Variants in POC1A observed in about 807,000 individuals in gnomAD.
POC1A encodes the protein POC1 centriolar protein homolog A.
POC1A carries 34 observed loss-of-function variants against 47.8 expected under a neutral mutation model. That is an observed-to-expected ratio of 0.71 (90% CI 0.54 to 0.95). The LOEUF (loss-of-function observed/expected upper bound fraction) is 0.95, where lower values mean the gene tolerates loss of function less well. Among genes scored for constraint, POC1A ranks in the 40% least tolerant of loss-of-function variants. The probability of loss-of-function intolerance (pLI) is 0.00; values close to 1 mark genes in which losing one functional copy is unlikely to be tolerated. For missense variants in POC1A, 466 were observed against 528.3 expected, an observed-to-expected ratio of 0.88 and a Z score of 1.16; for synonymous variants, 177 against 207.6, an observed-to-expected ratio of 0.85 and a Z score of 1.27.
chr3:52,091,838 C>T (rs566839255), intron 10 of POC1A, among the ~76,000 whole-genome samples: 2 of 152,290 alleles, frequency 1.3e-5, no homozygotes, highest in East Asian at 1.9e-4. Flanking sequence ...AACCAAGAGC[C>T]GCACAGCAGA....
At chr3:52,078,471 G>A (rs904055810) in intron 10 of POC1A, among the ~76,000 whole-genome samples, 2 of 148,216 alleles carry the variant, frequency 1.3e-5, no homozygotes, top group Non-Finnish European at 3.0e-5. Flanking sequence ...AGAAAATGGT[G>A]ACTCCTCATA....
chr3:52,151,215 A>G (rs1022436204), intron 1 of POC1A, 115 bp from the exon 2 acceptor site: 3 of 1,466,066 alleles, frequency 2.0e-6, no homozygotes, highest in Middle Eastern at 2.4e-4. Context: ...TCAAGGCATG[A>G]TCTTATATAA....
At chr3:52,093,515 C>T (rs1702710763) in intron 10 of POC1A, among the ~76,000 whole-genome samples, 1 of 152,242 alleles carries the variant, frequency 6.6e-6, no homozygotes, top group Non-Finnish European at 1.5e-5. Flanking sequence ...GCACCCAACA[C>T]ATCAGCAGTG....
chr3:52,089,733 G>A (rs1222645846), intron 10 of POC1A, among the ~76,000 whole-genome samples: 1 of 152,192 alleles, frequency 6.6e-6, no homozygotes, highest in Non-Finnish European at 1.5e-5. Context: ...CTGTCTGGGT[G>A]CACGTGGGAG....
At chr3:52,135,643 G>A in intron 7 of POC1A, among the ~76,000 whole-genome samples, 1 of 152,242 alleles carries the variant, frequency 6.6e-6, no homozygotes, top group South Asian at 2.1e-4. Flanking sequence ...GGTCCCAGGG[G>A]TGCCAGGCTG....
intron 2 of POC1A, 115 bp from the exon 3 acceptor site, chr3:52,150,102 C>A: frequency 1.3e-6 from 1 of 791,290 alleles, no homozygotes; most frequent in Non-Finnish European, 2.0e-6. Flanking sequence ...CTGGCATCCA[C>A]AAACAGACCG....
chr3:52,102,199 A>G (rs543392014), intron 9 of POC1A, among the ~76,000 whole-genome samples: 1 of 152,250 alleles, frequency 6.6e-6, no homozygotes, highest in African/African-American at 2.4e-5. Flanking sequence ...CTTGGCCATT[A>G]TCTTTTCAAT....
chr3:52,154,078 T>A (rs1252019680), intron 1 of POC1A, among the ~76,000 whole-genome samples: 1 of 152,090 alleles, frequency 6.6e-6, no homozygotes, highest in African/African-American at 2.4e-5. Context: ...CACACATGAG[T>A]CGGGACTTGG....
At chr3:52,124,031 C>T (rs1456681316) in intron 8 of POC1A, among the ~76,000 whole-genome samples, 1 of 152,222 alleles carries the variant, frequency 6.6e-6, no homozygotes, top group African/African-American at 2.4e-5. Flanking sequence ...GAGCCTCCAA[C>T]TACCCTCTGC....
chr3:52,125,223 C>A (rs747288819), intron 7 of POC1A, 42 bp from the exon 8 acceptor site: 1 of 1,483,434 alleles, frequency 6.7e-7, no homozygotes, highest in Non-Finnish European at 9.4e-7. Flanking sequence ...AAAGGTCATT[C>A]TCCATTCTAA....
At chr3:52,118,210 C>G (rs2107072457) in intron 9 of POC1A, among the ~76,000 whole-genome samples, 1 of 152,288 alleles carries the variant, frequency 6.6e-6, no homozygotes, top group East Asian at 1.9e-4. Flanking sequence ...GAACATGGAG[C>G]TTCTGTCCAC....
Position 52,075,830 on chromosome 3 carries a change from C to G in POC1A, c.*57G>C. The stretch of plus-strand genomic sequence containing the variant: ...CTTTATTTACCCAAGTCCCATGGTA[C>G]AAATCCCTGGCCTGCCACCTGCAAA... On this transcript the variant is annotated 3_prime_UTR_variant, in exon 11 of 11. Transcript: ENST00000296484. The G allele has an allele frequency of 7.8e-7, 1 of 1,279,250 alleles. No individual in the cohort carries two copies. The highest frequency in any genetic ancestry group is 1.7e-5 in the Admixed American group (1 of 59,474). The allele number at this position is 1,279,250 out of a possible 1,614,324, so 79.2% of individuals were successfully genotyped here.
At chr3:52,144,592 C>A (rs1698305685) in intron 6 of POC1A, among the ~76,000 whole-genome samples, 2 of 152,170 alleles carry the variant, frequency 1.3e-5, no homozygotes, top group Non-Finnish European at 2.9e-5. Context: ...TTTGTGCCAG[C>A]CACCCTCTCA....
chr3:52,123,608 C>A (rs748412042), intron 8 of POC1A, among the ~76,000 whole-genome samples: 1 of 152,224 alleles, frequency 6.6e-6, no homozygotes, highest in Non-Finnish European at 1.5e-5. Context: ...ACCTTAGAAA[C>A]AGAATGTTAG....
At position 52,138,215 on chromosome 3, in the gene POC1A, A is replaced by G; in HGVS notation, c.767T>C (p.Leu256Pro). The change falls in exon 7 of 11, where the codon CTG becomes CCG. Residue 256 changes from leucine (L) to proline (P), a missense_variant. Physicochemically the swap from Leu to Pro is moderately conservative, Grantham distance 98 (BLOSUM62 -3). Transcript: ENST00000296484. Reference sequence around the variant, plus strand: ...GAGCAGCCGGCCCTCCATCAGGTCCAGGATCTTCAGGGTTGAGTCACTGGA... The same window carrying G: ...GAGCAGCCGGCCCTCCATCAGGTCCGGGATCTTCAGGGTTGAGTCACTGGA... ...TASSDSTLKI[L>P]DLMEGRLLYT... The G allele has an allele frequency of 6.2e-7, 1 of 1,614,230 alleles. No homozygotes were observed. The highest frequency in any genetic ancestry group is 1.1e-5 in the South Asian group (1 of 91,090).
chr3:52,134,631 G>A (rs1704372025), intron 7 of POC1A, among the ~76,000 whole-genome samples: 1 of 152,034 alleles, frequency 6.6e-6, no homozygotes, highest in South Asian at 2.1e-4. Context: ...AACTGTCTCT[G>A]AATGAATGAA....
At chr3:52,105,048 G>C (rs73082780) in intron 9 of POC1A, among the ~76,000 whole-genome samples, 2,128 of 152,312 alleles carry the variant, frequency 0.014, 29 homozygotes, top group Non-Finnish European at 0.022. Flanking sequence ...GCCCGCTCCT[G>C]AAACTGAAAC....
At position 52,084,492 on chromosome 3, in the gene POC1A, G is replaced by A. The variant is rs1174588061; in HGVS notation, c.1126-8507C>T. On this transcript the variant is annotated intron_variant, in intron 10 of 10. Coordinates refer to ENST00000296484, the MANE Select transcript of POC1A (RefSeq NM_015426.5). This position sits in a 1 kb window ranked among gnomAD's most constrained non-coding sequence, Gnocchi z 4.3. Reference sequence around the variant, plus strand: ...GGGACCCTAGCTCTTGGGGGCTTCCGAGCACTGACACAGCTGCAGCACCGG... The same window carrying A: ...GGGACCCTAGCTCTTGGGGGCTTCCAAGCACTGACACAGCTGCAGCACCGG... Among the ~76,000 whole-genome samples, 9 of 152,198 alleles carry A rather than the reference G, an allele frequency of 5.9e-5. No homozygotes were observed. The highest frequency in any genetic ancestry group is 1.5e-5 in the Non-Finnish European group (1 of 68,032).
intron 9 of POC1A, among the ~76,000 whole-genome samples, chr3:52,111,142 C>T (rs967884642): frequency 2.6e-5 from 4 of 152,188 alleles, no homozygotes; most frequent in South Asian, 4.1e-4. Flanking sequence ...AATAGGCCTT[C>T]CTTCCTCAAC....
Sources: allele counts gnomAD v4.1 joint callset (sites outside exome capture counted in the v4.1 genomes callset), GRCh38; gene constraint gnomAD v4.1.1; non-coding constraint Gnocchi (gnomAD v3.1); transcripts MANE v1.5; gene names NCBI Gene and HGNC (gene_info 2026-07-23, HGNC 2026-07-21).